ETV1: variants seen among roughly 807,000 people sequenced by gnomAD.
ETV1 encodes the protein ETS translocation variant 1.
Under a neutral mutation model 62.3 loss-of-function variants are expected in ETV1, and 27 were observed. The ratio of observed to expected loss-of-function variants is 0.43; its 90% CI spans 0.32 to 0.60. The LOEUF is 0.60. ETV1 is among the 20% of genes least tolerant of loss of function. The pLI is 0.06. For missense variants in ETV1, 605 were observed against 605.8 expected (o/e 1.00, Z 0.01); for synonymous variants, 222 against 199.6 (o/e 1.11, Z -0.94).
intron 6 of ETV1, among the ~76,000 whole-genome samples, 154 bp from the exon 7 acceptor site, chr7:13,939,400 A>AATTCAT (rs1210559969): frequency 5.8e-4 from 88 of 152,372 alleles, no homozygotes; most frequent in Middle Eastern, 3.4e-3. Context: ...CAGTAGCAGA[A>AATTCAT]GATTTCAGAG....
intron 6 of ETV1, among the ~76,000 whole-genome samples, chr7:13,958,347 T>A (rs1052751948): frequency 1.3e-5 from 2 of 152,204 alleles, no homozygotes; most frequent in African/African-American, 4.8e-5. Context: ...AAATGACCTA[T>A]CAAACTTCAT....
At chr7:13,945,292 T>G (rs967152466) in intron 6 of ETV1, among the ~76,000 whole-genome samples, 1 of 152,158 alleles carries the variant, frequency 6.6e-6, no homozygotes, top group Non-Finnish European at 1.5e-5. Flanking sequence ...AGAGTTTTTT[T>G]TAAAAATCCA....
intron 6 of ETV1, among the ~76,000 whole-genome samples, chr7:13,976,756 C>T (rs1468001516): frequency 6.6e-6 from 1 of 152,192 alleles, no homozygotes; most frequent in Non-Finnish European, 1.5e-5. Context: ...AACGCTCACT[C>T]TGCAATTAAG....
intron 8 of ETV1, 69 bp downstream of exon 8, chr7:13,935,639 A>C (rs1786716145): frequency 2.2e-6 from 3 of 1,365,758 alleles, no homozygotes; most frequent in East Asian, 4.6e-5. Context: ...AGGCCTTCAG[A>C]ATTGTTAATA....
chr7:13,975,590 G>GAAAAAA (rs368323645), intron 6 of ETV1, among the ~76,000 whole-genome samples: 3 of 125,480 alleles, frequency 2.4e-5, no homozygotes, highest in Non-Finnish European at 4.8e-5. Flanking sequence ...GAAAAGAAAA[G>GAAAAAA]AAAAAAAAAA....
chr7:13,928,583 C>T (rs976854686), intron 9 of ETV1, among the ~76,000 whole-genome samples: 11 of 151,614 alleles, frequency 7.3e-5, no homozygotes, highest in African/African-American at 2.7e-4. Flanking sequence ...CACTGCACTC[C>T]AGCCTGGCAA....
rs540466555 is a variant in ETV1, at chr7:13,952,960, A to G, written c.236-13714T>C. ...AATTGCCAGGAGAAAGTGCCCTGGGAGGAAACTGGTTCTTCCATCTGGAAA... is the reference window on the plus strand; with the variant it reads ...AATTGCCAGGAGAAAGTGCCCTGGGGGGAAACTGGTTCTTCCATCTGGAAA... On this transcript the variant is annotated intron_variant, in intron 6 of 13. Transcript: ENST00000430479. Among the ~76,000 whole-genome samples the G allele has an allele frequency of 1.4e-3, 216 of 152,296 alleles. 1 individual carries two copies. Among genetic ancestry groups the G allele is most frequent in the African/African-American group, 4.9e-3 (205 of 41,566 alleles).
At position 13,895,859 on chromosome 7, in the gene ETV1, A is replaced by T. The variant is rs1224344220; in HGVS notation, c.*7T>A. 2.5e-5 allele frequency: 41 copies of T among 1,608,264 alleles called. No homozygotes were observed. Among genetic ancestry groups the T allele is most frequent in the Non-Finnish European group, 3.5e-5 (41 of 1,175,924 alleles). ...CGCAAAAACGCCCTGCTTGACTGTC[A>T]CTTGTGTTAATACACGTAGCCTTCG... On this transcript the variant is annotated 3_prime_UTR_variant, in exon 14 of 14. Coordinates refer to ENST00000430479, the MANE Select transcript of ETV1 (RefSeq NM_004956.5).
intron 6 of ETV1, among the ~76,000 whole-genome samples, chr7:13,946,841 T>C (rs1240027834): frequency 6.6e-6 from 1 of 152,144 alleles, no homozygotes; most frequent in African/African-American, 2.4e-5. Flanking sequence ...CAGGCTGGAG[T>C]GCAGTGGCAC....
At chr7:13,914,251 G>A (rs2128424279) in intron 9 of ETV1, among the ~76,000 whole-genome samples, 1 of 152,066 alleles carries the variant, frequency 6.6e-6, no homozygotes, top group South Asian at 2.1e-4. Flanking sequence ...AAGCGCTCTG[G>A]TTTTAAAAGT....
intron 6 of ETV1, among the ~76,000 whole-genome samples, chr7:13,972,986 C>T (rs374222935): frequency 2.0e-5 from 3 of 152,116 alleles, no homozygotes; most frequent in African/African-American, 7.2e-5. Flanking sequence ...TATAATATAC[C>T]ATCACTGGAT....
At chr7:13,973,002 AT>A (rs1298112742) in intron 6 of ETV1, among the ~76,000 whole-genome samples, 1 of 152,196 alleles carries the variant, frequency 6.6e-6, no homozygotes, top group Non-Finnish European at 1.5e-5. Context: ...TGGATTCCAC[AT>A]TTCCAATTAA....
intron 5 of ETV1, among the ~76,000 whole-genome samples, chr7:13,984,695 C>T (rs1286877592): frequency 1.3e-5 from 2 of 151,864 alleles, no homozygotes; most frequent in Non-Finnish European, 1.5e-5. Flanking sequence ...TGATTAATTC[C>T]TGAACTTAAT....
At chr7:13,979,184 GTT>G (rs1781740157) in intron 5 of ETV1, among the ~76,000 whole-genome samples, 1 of 152,004 alleles carries the variant, frequency 6.6e-6, no homozygotes, top group Non-Finnish European at 1.5e-5. Flanking sequence ...TTACTTATCA[GTT>G]TACTAGTGAA....
At chr7:13,986,180 G>T (rs749561595) in intron 5 of ETV1, 1 of 1,591,182 alleles carries the variant, frequency 6.3e-7, no homozygotes, top group Non-Finnish European at 8.6e-7. Flanking sequence ...GAAGCATCCC[G>T]TCCTGATGAA....
chr7:13,914,408 T>C lies in ETV1; in HGVS notation c.803-3101A>G, dbSNP rs1296104690. Reference sequence around the variant, plus strand: ...AGAAATTAAACTGCCTATAATTTGTTACAGATGAGTTCATGGTGATGAAAG... The same window carrying C: ...AGAAATTAAACTGCCTATAATTTGTCACAGATGAGTTCATGGTGATGAAAG... On this transcript the variant is annotated intron_variant, in intron 9 of 13. Transcript: ENST00000430479. Among the ~76,000 whole-genome samples, 10 of 152,120 alleles carry C rather than the reference T, an allele frequency of 6.6e-5. No homozygotes were observed. The East Asian group carries it at 1.9e-3, about 29-fold the overall frequency.
intron 9 of ETV1, among the ~76,000 whole-genome samples, chr7:13,912,322 T>A (rs920981072): frequency 2.0e-5 from 3 of 152,200 alleles, no homozygotes; most frequent in Non-Finnish European, 4.4e-5. Context: ...AAAAGTGTTT[T>A]AACATATGAC....
intron 6 of ETV1, among the ~76,000 whole-genome samples, chr7:13,959,320 G>A (rs773475456): frequency 3.9e-5 from 6 of 152,030 alleles, no homozygotes; most frequent in Non-Finnish European, 8.8e-5. Context: ...TAACTAGTAG[G>A]ACTCCAAAGC....
intron 9 of ETV1, among the ~76,000 whole-genome samples, chr7:13,920,919 A>G (rs1418607656): frequency 1.3e-5 from 2 of 152,236 alleles, no homozygotes; most frequent in Admixed American, 1.3e-4. Flanking sequence ...TTGCAATAAC[A>G]AAATCAATTA....
Sources: allele counts gnomAD v4.1 joint callset (sites outside exome capture counted in the v4.1 genomes callset), GRCh38; gene constraint gnomAD v4.1.1; transcripts MANE v1.5; gene names NCBI Gene and HGNC (gene_info 2026-07-23, HGNC 2026-07-21).